CARD10: variants seen among roughly 807,000 people sequenced by gnomAD.
The protein encoded by CARD10 is caspase recruitment domain family member 10.
In CARD10, 49 loss-of-function variants were observed where a neutral mutation model predicts 114.6. The ratio of observed to expected loss-of-function variants is 0.43; its 90% CI spans 0.34 to 0.54. The LOEUF is 0.54. Ranked by LOEUF, CARD10 falls within the 20% of genes least tolerant of loss-of-function variation. The probability of loss-of-function intolerance (pLI) is 0.03; values close to 1 mark genes in which losing one functional copy is unlikely to be tolerated. For missense variants in CARD10, 1,206 were observed against 1,397.2 expected (o/e 0.86, Z 2.18); for synonymous variants, 602 against 593.2 (o/e 1.01, Z -0.21).
At chr22:37,510,950 C>T (rs1923616804) in intron 3 of CARD10, among the ~76,000 whole-genome samples, 1 of 152,012 alleles carries the variant, frequency 6.6e-6, no homozygotes, top group Non-Finnish European at 1.5e-5. Context: ...GGCGTGGTGG[C>T]ACATGCCTGT....
chr22:37,504,323 TG>T (rs1205600452), intron 8 of CARD10, 22 bp from the exon 9 acceptor site: 1 of 1,467,332 alleles, frequency 6.8e-7, no homozygotes, highest in Non-Finnish European at 9.2e-7. Flanking sequence ...TGACAGGGCC[TG>T]GGTCACCCCC....
chr22:37,491,137 A>C lies in CARD10; in HGVS notation c.*22T>G. 1 of 1,523,922 alleles carries C rather than the reference A, an allele frequency of 6.6e-7. No individual in the cohort carries two copies. Among genetic ancestry groups the C allele is most frequent in the African/African-American group, 1.4e-5 (1 of 72,806 alleles). The allele number at this position is 1,523,922 out of a possible 1,614,324, so 94.4% of individuals were successfully genotyped here. ...CAGGGTCCACGCTGGCTTGGGGAGA[A>C]GGTGCAGGTATCAGATGAGCCTCAG... On this transcript the variant is annotated 3_prime_UTR_variant, in exon 20 of 20. Transcript: ENST00000251973.
In CARD10 at chr22:37,519,363, C is replaced by T; in HGVS notation, c.-163G>A. ...CTCACCCCGCACGCTACAGTCGCCT[C>T]GGGCTCCCGGGTCCGCACTCGGGCG... On this transcript the variant is annotated 5_prime_UTR_variant, in exon 1 of 20. Transcript: ENST00000251973. This position sits in a 1 kb window ranked among gnomAD's most constrained non-coding sequence, Gnocchi z 4.1. The T allele has an allele frequency of 2.4e-6, 3 of 1,230,960 alleles. No individual in the cohort carries two copies. The highest frequency in any genetic ancestry group is 7.7e-5 in the South Asian group (2 of 26,138). 76.3% of individuals were successfully genotyped at this position (1,230,960 alleles called of 1,614,324 possible). A position where few individuals can be genotyped will look rare whatever the true frequency, so the allele number is the denominator to read the frequency against.
chr22:37,511,445 A>AAGG (rs1170397762), intron 3 of CARD10, among the ~76,000 whole-genome samples: 53 of 135,262 alleles, frequency 3.9e-4, no homozygotes, highest in African/African-American at 1.4e-3. Context: ...GTAGAAGGAG[A>AAGG]AGGAGGAGGA....
rs1489898111 is a variant in CARD10 at position 37,501,891 on chromosome 22, T to C, written c.1787+711A>G. ...CTTTCCCAGCCTGACTCAGGAAGCC[T>C]TGACTTTCGCCCTTCCCCCTCGCTC... On this transcript the variant is annotated intron_variant, in intron 11 of 19. Coordinates refer to ENST00000251973, the MANE Select transcript of CARD10 (RefSeq NM_014550.4). This position sits in a 1 kb window ranked among gnomAD's most constrained non-coding sequence, Gnocchi z 5.4. Among the ~76,000 whole-genome samples the C allele has an allele frequency of 6.6e-6, 1 of 152,150 alleles. No homozygotes were observed. Among genetic ancestry groups the C allele is most frequent in the Admixed American group, 6.5e-5 (1 of 15,284 alleles).
At chr22:37,509,232 G>A in intron 4 of CARD10, 1 of 1,207,278 alleles carries the variant, frequency 8.3e-7, no homozygotes, top group Non-Finnish European at 1.1e-6. Context: ...TGCAGCTGCT[G>A]ACCTGCCACT....
chr22:37,515,868 G>C (rs1370585563), intron 3 of CARD10, 105 bp downstream of exon 3: 7 of 912,714 alleles, frequency 7.7e-6, no homozygotes, highest in Non-Finnish European at 1.2e-5. Context: ...ACTTATCCAC[G>C]TCAAAGAGCC....
At chr22:37,504,335 A>C (rs983476406) in intron 8 of CARD10, 34 bp from the exon 9 acceptor site, 3 of 1,380,968 alleles carry the variant, frequency 2.2e-6, no homozygotes, top group East Asian at 5.0e-5. Context: ...GGTCACCCCC[A>C]CTGCCCAGCA....
chr22:37,492,559 G>A lies in CARD10; in HGVS notation c.2636-9C>T. ...CTCCCCAGAGAGGCTTTCTGCACAG[G>A]GAGTGGAGAGGGAGAGATGAAGGAT... On this transcript the variant is annotated splice_polypyrimidine_tract_variant and intron_variant, in intron 17 of 19. Transcript: ENST00000251973. This position sits in a 1 kb window ranked among gnomAD's most constrained non-coding sequence, Gnocchi z 5.7. 6.2e-7 allele frequency: 1 copy of A among 1,601,322 alleles called. No homozygotes were observed. The highest frequency in any genetic ancestry group is 8.5e-7 in the Non-Finnish European group (1 of 1,172,452).
chr22:37,504,068 A>T (rs1420342115), intron 9 of CARD10, 118 bp downstream of exon 9: 1 of 779,628 alleles, frequency 1.3e-6, no homozygotes, highest in Non-Finnish European at 2.3e-6. Context: ...ATCTGAGGGC[A>T]ATAAAGGGAA....
Position 37,516,231 on chromosome 22 carries a change from G to A in CARD10, c.441C>T (p.Arg147=), listed in dbSNP as rs771108081. The stretch of plus-strand genomic sequence containing the variant: ...GCTGCTCCCGCTGCAGCTGGCTCTT[G>A]CGAGCTTCCCGCAGCCGTCGCACCT... The part of the protein sequence containing the change: ...MTEVRRLREA[R]KSQLQREQQL... The change falls in exon 3 of 20, where the codon CGC becomes CGT. Residue 147 remains arginine (R), a synonymous_variant. Transcript: ENST00000251973. The A allele has an allele frequency of 6.2e-7, 1 of 1,604,994 alleles. No individual in the cohort carries two copies. Among genetic ancestry groups the A allele is most frequent in the Non-Finnish European group, 8.5e-7 (1 of 1,176,974 alleles).
At chr22:37,516,365 G>A (rs967888628) in intron 2 of CARD10, 67 bp from the exon 3 acceptor site, 2 of 1,204,774 alleles carry the variant, frequency 1.7e-6, no homozygotes, top group Admixed American at 2.8e-5. Context: ...ATAACATACT[G>A]TGTCAAAAAA....
At chr22:37,518,232 AG>A in intron 1 of CARD10, 124 bp from the exon 2 acceptor site, 1 of 881,836 alleles carries the variant, frequency 1.1e-6, no homozygotes, top group Non-Finnish European at 1.8e-6. Flanking sequence ...TGACACACAC[AG>A]GGGCCTGTCC....
In CARD10 at chr22:37,490,893, C is replaced by T. The variant is rs745925028; in HGVS notation, c.*266G>A. ...TGTTTAAGGAGAAGACACAGACACA[C>T]ATAAGACCCACTAGTGGGAATGTGG... On this transcript the variant is annotated 3_prime_UTR_variant, in exon 20 of 20. Coordinates refer to ENST00000251973, the MANE Select transcript of CARD10 (RefSeq NM_014550.4). 1 of 542,846 alleles carries T rather than the reference C, an allele frequency of 1.8e-6. No homozygotes were observed. The highest frequency in any genetic ancestry group is 2.3e-5 in the South Asian group (1 of 42,978). The allele number at this position is 542,846 out of a possible 1,614,324, so 33.6% of individuals were successfully genotyped here. A position where few individuals can be genotyped will look rare whatever the true frequency, so the allele number is the denominator to read the frequency against.
rs1029817353 is a variant in CARD10, at chr22:37,500,520, C to T, written c.1787+2082G>A. ...CTATCCACCATCCCCTCCCGGCACCCAGGCTCCAGGAGCTGAGAAGGGCAG... is the reference window on the plus strand; with the variant it reads ...CTATCCACCATCCCCTCCCGGCACCTAGGCTCCAGGAGCTGAGAAGGGCAG... On this transcript the variant is annotated intron_variant, in intron 11 of 19. Coordinates refer to ENST00000251973, the MANE Select transcript of CARD10 (RefSeq NM_014550.4). 2.0e-5 allele frequency among the ~76,000 whole-genome samples: 3 copies of T among 152,134 alleles called. No individual in the cohort carries two copies. In the East Asian group the frequency reaches 5.8e-4, roughly 29 times the overall value.
Position 37,518,957 on chromosome 22 carries a change from G to A in CARD10, c.235+9C>T, listed in dbSNP as rs1233915796. On this transcript the variant is annotated intron_variant, in intron 1 of 19. Transcript: ENST00000251973. ...CCAGGTCGTGGCCCACTCGGGACCC[G>A]CGGCTCACCGGTGCGGTTGACGCGG... 1.3e-6 allele frequency: 2 copies of A among 1,520,348 alleles called. No individual in the cohort carries two copies. Among genetic ancestry groups the A allele is most frequent in the Non-Finnish European group, 1.8e-6 (2 of 1,134,112 alleles). The allele number at this position is 1,520,348 out of a possible 1,614,324, so 94.2% of individuals were successfully genotyped here.
intron 6 of CARD10, among the ~76,000 whole-genome samples, chr22:37,507,039 G>A (rs896575055): frequency 6.6e-6 from 1 of 152,234 alleles, no homozygotes; most frequent in African/African-American, 2.4e-5. Flanking sequence ...AGCACTTTGG[G>A]AGGCTGAGGC....
At chr22:37,508,295 A>G (rs1923484916) in intron 5 of CARD10, among the ~76,000 whole-genome samples, 2 of 152,250 alleles carry the variant, frequency 1.3e-5, no homozygotes, top group South Asian at 4.1e-4. Context: ...TGTGTATCTC[A>G]CATACTGCCA....
chr22:37,504,316 C>G lies in CARD10; in HGVS notation c.1519-15G>C. 1.3e-6 allele frequency: 2 copies of G among 1,497,068 alleles called. No individual in the cohort carries two copies. The highest frequency in any genetic ancestry group is 1.3e-5 in the South Asian group (1 of 76,582). 92.7% of individuals were successfully genotyped at this position (1,497,068 alleles called of 1,614,324 possible). On this transcript the variant is annotated splice_polypyrimidine_tract_variant and intron_variant, in intron 8 of 19. Coordinates refer to ENST00000251973, the MANE Select transcript of CARD10 (RefSeq NM_014550.4). ...GTGGCTTCCTCCTGCAATGCCATGA[C>G]AGGGCCTGGGTCACCCCCACTGCCC... is the stretch of plus-strand genomic sequence containing the variant.
Sources: gnomAD v4.1 joint callset for allele counts (sites outside exome capture counted in the v4.1 genomes callset) on GRCh38, gnomAD v4.1.1 for gene constraint, Gnocchi (gnomAD v3.1) non-coding constraint, MANE v1.5 for transcripts, NCBI Gene and HGNC (gene_info 2026-07-23, HGNC 2026-07-21) for gene names.